KICS2: variants seen among roughly 807,000 people sequenced by gnomAD.
KICS2 encodes the protein KICSTOR complex protein C12orf66.
A neutral mutation model predicts 31.4 loss-of-function variants in KICS2; 13 were observed. The ratio of observed to expected loss-of-function variants is 0.41; its 90% CI spans 0.27 to 0.66. The LOEUF (loss-of-function observed/expected upper bound fraction) is 0.66. Among genes scored for constraint, KICS2 ranks in the 30% least tolerant of loss-of-function variants. KICS2 has a pLI of 0.28. For synonymous variants in KICS2, 209 were observed against 214.8 expected, an observed-to-expected ratio of 0.97 and a Z score of 0.24; for missense variants, 455 against 545.4, an observed-to-expected ratio of 0.83 and a Z score of 1.65.
chr12:64,209,560 G>A (rs914107624), intron 2 of KICS2, among the ~76,000 whole-genome samples: 1 of 152,072 alleles, frequency 6.6e-6, no homozygotes, highest in Non-Finnish European at 1.5e-5. Flanking sequence ...ACTCCAGCCT[G>A]AGCAACAAAA....
At chr12:64,197,518 G>A (rs886842907) in intron 2 of KICS2, among the ~76,000 whole-genome samples, 6 of 151,042 alleles carry the variant, frequency 4.0e-5, no homozygotes, top group Non-Finnish European at 7.4e-5. Context: ...AAAGACCATC[G>A]AGACTAGGAA....
chr12:64,220,687 T>A (rs1226803302), intron 1 of KICS2, among the ~76,000 whole-genome samples: 1 of 152,088 alleles, frequency 6.6e-6, no homozygotes, highest in Non-Finnish European at 1.5e-5. Context: ...ATAAAAAACA[T>A]ATATCTGTAT....
Position 64,193,798 on chromosome 12 carries a change from A to T in KICS2, c.*44T>A. 1 of 1,564,156 alleles carries T rather than the reference A, an allele frequency of 6.4e-7. No individual in the cohort carries two copies. The highest frequency in any genetic ancestry group is 2.2e-5 in the East Asian group (1 of 44,510). Reference sequence around the variant, plus strand: ...ACCACCGTAGATCATTAGGGCAATTAAGAACAGTTTCTAGTCTTGAAACCC... The same window carrying T: ...ACCACCGTAGATCATTAGGGCAATTTAGAACAGTTTCTAGTCTTGAAACCC... On this transcript the variant is annotated 3_prime_UTR_variant, in exon 3 of 3. Transcript: ENST00000398055.
At chr12:64,218,156 G>A (rs2037647527) in intron 1 of KICS2, among the ~76,000 whole-genome samples, 1 of 152,204 alleles carries the variant, frequency 6.6e-6, no homozygotes, top group Non-Finnish European at 1.5e-5. Flanking sequence ...TCCCTACAGG[G>A]TTTGCCTTCC....
chr12:64,205,605 G>GGAAAAAGGGAAGGAAGGAAA, intron 2 of KICS2, among the ~76,000 whole-genome samples: 1 of 9,640 alleles, frequency 1.0e-4, no homozygotes, highest in Non-Finnish European at 2.2e-4. Context: ...AGGAAAGGAG[G>GGAAAAAGGGAAGGAAGGAAA]GAAAAAGGGA....
At chr12:64,217,942 G>T (rs555528532) in intron 1 of KICS2, among the ~76,000 whole-genome samples, 30 of 152,048 alleles carry the variant, frequency 2.0e-4, no homozygotes, top group African/African-American at 6.0e-4. Flanking sequence ...GAAAGAAAGA[G>T]AAAGAAAGAA....
intron 2 of KICS2, among the ~76,000 whole-genome samples, chr12:64,199,500 T>G (rs1219928461): frequency 1.9e-5 from 2 of 102,914 alleles, no homozygotes; most frequent in African/African-American, 3.6e-5. Flanking sequence ...AATATCATAC[T>G]GAATGGGCAA....
intron 2 of KICS2, among the ~76,000 whole-genome samples, chr12:64,203,781 G>A (rs1216676852): frequency 2.0e-5 from 3 of 152,180 alleles, no homozygotes; most frequent in Non-Finnish European, 4.4e-5. Context: ...GAGAGAAACC[G>A]ATTATCATGT....
downstream of KICS2, chr12:64,187,795 G>A: frequency 4.8e-6 from 3 of 621,930 alleles, no homozygotes; most frequent in Non-Finnish European, 8.2e-6. Context: ...AAAAATCAGA[G>A]GCTACTTTAA....
intron 2 of KICS2, among the ~76,000 whole-genome samples, chr12:64,206,119 T>C (rs2037537025): frequency 6.6e-6 from 1 of 152,172 alleles, no homozygotes; most frequent in Non-Finnish European, 1.5e-5. Context: ...AGGGTCTTGC[T>C]ATGTTTCCCA....
chr12:64,192,925 A>AT lies in KICS2; in HGVS notation c.*916dup, dbSNP rs2037395129. ...GCAAGTACAGCGTATGAAGACCTTCATTTTGATTTTATAAAAGTAGGCTAT... is the reference window on the plus strand; with the variant it reads ...GCAAGTACAGCGTATGAAGACCTTCATTTTTGATTTTATAAAAGTAGGCTAT... On this transcript the variant is annotated 3_prime_UTR_variant, in exon 3 of 3. Coordinates refer to ENST00000398055, the MANE Select transcript of KICS2 (RefSeq NM_152440.5). The AT allele has an allele frequency of 1.0e-6, 1 of 985,348 alleles. No individual in the cohort carries two copies. Among genetic ancestry groups the AT allele is most frequent in the African/African-American group, 1.7e-5 (1 of 57,262 alleles). 61.0% of individuals were successfully genotyped at this position (985,348 alleles called of 1,614,324 possible).
At chr12:64,221,672 T>C in intron 1 of KICS2, 1 of 391,120 alleles carries the variant, frequency 2.6e-6, no homozygotes, top group Non-Finnish European at 4.7e-6. Flanking sequence ...GGCTGCAGCG[T>C]CACTAATTAA....
At chr12:64,210,056 C>T (rs2037570026) in intron 2 of KICS2, among the ~76,000 whole-genome samples, 2 of 152,174 alleles carry the variant, frequency 1.3e-5, no homozygotes, top group Admixed American at 1.3e-4. Context: ...AGCACATTAA[C>T]CTAGCAAAGG....
intron 2 of KICS2, among the ~76,000 whole-genome samples, chr12:64,205,703 G>GGGAA (rs1200999024): frequency 8.5e-6 from 1 of 117,776 alleles, no homozygotes; most frequent in Admixed American, 9.5e-5. Flanking sequence ...GAAGGAAAAA[G>GGGAA]GGAAGGAAGG....
chr12:64,211,144 T>C (rs2037579073), intron 2 of KICS2, among the ~76,000 whole-genome samples: 1 of 152,190 alleles, frequency 6.6e-6, no homozygotes, highest in Non-Finnish European at 1.5e-5. Context: ...TTAGGAATCA[T>C]ATCCTTAACT....
At chr12:64,205,754 G>GAAGAGGGAAGGAAGGA (rs2037532839) in intron 2 of KICS2, among the ~76,000 whole-genome samples, 2 of 56,876 alleles carry the variant, frequency 3.5e-5, no homozygotes, top group African/African-American at 5.2e-5. Flanking sequence ...GGGAGGGAGG[G>GAAGAGGGAAGGAAGGA]AAAAGGGAAG....
At chr12:64,219,256 A>G (rs2037656734) in intron 1 of KICS2, among the ~76,000 whole-genome samples, 1 of 152,190 alleles carries the variant, frequency 6.6e-6, no homozygotes, top group East Asian at 1.9e-4. Flanking sequence ...AATTTCAGCA[A>G]CCCAAGGTTG....
chr12:64,190,885 A>C (rs2037373229), downstream of KICS2, among the ~76,000 whole-genome samples: 1 of 152,192 alleles, frequency 6.6e-6, no homozygotes, highest in African/African-American at 2.4e-5. Context: ...CACTCCCTGA[A>C]ATGACACAGC....
downstream of KICS2, chr12:64,186,682 T>G (rs2037341949): frequency 6.6e-6 from 1 of 152,218 alleles, no homozygotes; most frequent in Non-Finnish European, 1.5e-5. Flanking sequence ...TAGGGAGGTA[T>G]GCAAGTAACA....
Sources: allele counts gnomAD v4.1 joint callset (sites outside exome capture counted in the v4.1 genomes callset), GRCh38; gene constraint gnomAD v4.1.1; transcripts MANE v1.5; gene names NCBI Gene and HGNC (gene_info 2026-07-23, HGNC 2026-07-21).